OR2A12: variants seen among roughly 807,000 people sequenced by gnomAD.
The protein encoded by OR2A12 is olfactory receptor family 2 subfamily A member 12, also known as olfactory receptor 2A12.
For synonymous variants in OR2A12, 153 were observed against 149.3 expected, an observed-to-expected ratio of 1.02 and a Z score of -0.18; for missense variants, 380 against 372.5, an observed-to-expected ratio of 1.02 and a Z score of -0.17.
Position 144,092,233 on chromosome 7 carries a change from T to C in OR2A12, c.-51-2824T>C, listed in dbSNP as rs549442003. Among the ~76,000 whole-genome samples the C allele has an allele frequency of 2.6e-5, 4 of 152,256 alleles. No individual in the cohort carries two copies. The East Asian group carries it at 5.8e-4, about 22-fold the overall frequency. ...TATGTGTCTGTTCTTGTACCAGTAC[T>C]GTGCTGTTTTGGTTACTGTAGCCCT... is the stretch of plus-strand genomic sequence containing the variant. On this transcript the variant is annotated intron_variant, in intron 1 of 1. Transcript: ENST00000641592.
rs1420570208 is a variant in OR2A12, at chr7:144,095,766, TC to T, written c.661del (p.Leu221TrpfsTer5). 1 of 1,614,022 alleles carries T rather than the reference TC, an allele frequency of 6.2e-7. No individual in the cohort carries two copies. Among genetic ancestry groups the T allele is most frequent in the African/African-American group, 1.3e-5 (1 of 74,900 alleles). ...LCLVLVSYLHILVAILRIQSG... is the reference protein window; with the variant it reads ...LCLVLVSYLHXLVAILRIQSG... ...CTGGTGCTGGTCTCCTACTTGCACATCCTGGTGGCCATCTTGAGGATCCAGT... is the reference window on the plus strand; with the variant it reads ...CTGGTGCTGGTCTCCTACTTGCACATCTGGTGGCCATCTTGAGGATCCAGT... On this transcript the variant is annotated frameshift_variant, in exon 2 of 2. Coordinates refer to ENST00000641592, the MANE Select transcript of OR2A12 (RefSeq NM_001004135.2). LOFTEE classifies it low-confidence loss of function (END_TRUNC).
chr7:144,095,880 A>T lies in OR2A12; in HGVS notation c.773A>T (p.Tyr258Phe), dbSNP rs1230060701. Residue 258 changes from tyrosine (Y) to phenylalanine (F), a missense_variant, in exon 2 of 2, where the codon TAC becomes TTC. Transcript: ENST00000641592. ...GLFFGSAIVM[Y>F]MAPKSSHSQE... ...TTCTTTGGCAGCGCCATTGTCATGT[A>T]CATGGCCCCCAAGTCAAGCCATTCT... The T allele has an allele frequency of 1.2e-6, 2 of 1,614,080 alleles. No individual in the cohort carries two copies. The highest frequency in any genetic ancestry group is 1.7e-6 in the Non-Finnish European group (2 of 1,180,006).
rs773719424 is a variant in OR2A12, at chr7:144,095,733, C to T, written c.626C>T (p.Pro209Leu). The change falls in exon 2 of 2, where the codon CCG becomes CTG. Residue 209 changes from proline (P) to leucine (L), a missense_variant. Pro to Leu is a moderately conservative substitution (Grantham distance 98). Transcript: ENST00000641592. ...GGTTCTGCGTTCATCTTAGTGGGGC[C>T]GCTCTGCCTGGTGCTGGTCTCCTAC... Reference protein sequence around the residue: ...FAGSAFILVGPLCLVLVSYLH... With the variant: ...FAGSAFILVGLLCLVLVSYLH... 29 of 1,613,944 alleles carry T rather than the reference C, an allele frequency of 1.8e-5. No homozygotes were observed. Among genetic ancestry groups the T allele is most frequent in the South Asian group, 8.8e-5 (8 of 91,088 alleles).
rs939628889 is a variant in OR2A12 at position 144,096,421 on chromosome 7, C to T, written c.*381C>T. The T allele has an allele frequency of 1.9e-5, 3 of 159,676 alleles. No homozygotes were observed. The highest frequency in any genetic ancestry group is 7.2e-5 in the African/African-American group (3 of 41,398). The allele number at this position is 159,676 out of a possible 1,614,324, so 9.9% of individuals were successfully genotyped here. The stretch of plus-strand genomic sequence containing the variant: ...GCACTGAGCCGAGATTGTACCACTG[C>T]ACTCCAGCCTGGGCGACAGAGCAAG... On this transcript the variant is annotated 3_prime_UTR_variant, in exon 2 of 2. Coordinates refer to ENST00000641592, the MANE Select transcript of OR2A12 (RefSeq NM_001004135.2).
intron 1 of OR2A12, among the ~76,000 whole-genome samples, chr7:144,087,404 T>A (rs2051194609): frequency 1.3e-5 from 2 of 152,196 alleles, no homozygotes; most frequent in African/African-American, 2.4e-5. Flanking sequence ...AATGGTTGTC[T>A]TCATCTTATG....
rs373022188 is a variant in OR2A12, at chr7:144,095,157, A to G, written c.50A>G (p.Gln17Arg). 1.2e-6 allele frequency: 2 copies of G among 1,613,538 alleles called. No homozygotes were observed. The highest frequency in any genetic ancestry group is 1.1e-5 in the South Asian group (1 of 90,968). ...WITEVILLGFQVDPALELFLF... is the reference protein window; with the variant it reads ...WITEVILLGFRVDPALELFLF... ...ACAGAAGTCATCCTGTTGGGATTCC[A>G]GGTGGACCCAGCTCTGGAGTTGTTC... The change falls in exon 2 of 2, where the codon CAG becomes CGG. Residue 17 changes from glutamine to arginine, a missense_variant. By Grantham distance (43) the Gln-to-Arg change is conservative. Transcript: ENST00000641592.
At chr7:144,090,488 T>C (rs1054103788) in intron 1 of OR2A12, among the ~76,000 whole-genome samples, 2 of 152,246 alleles carry the variant, frequency 1.3e-5, no homozygotes, top group South Asian at 2.1e-4. Context: ...TTTAAACCGA[T>C]GTCAGTCATA....
chr7:144,095,351 G>A lies in OR2A12; in HGVS notation c.244G>A (p.Ala82Thr). Residue 82 changes from alanine to threonine, a missense_variant, in exon 2 of 2, where the codon GCA becomes ACA. Physicochemically the swap from Ala to Thr is moderately conservative, Grantham distance 58 (BLOSUM62 0). Transcript: ENST00000641592. ...CTCGAGTACTGTCCCTAAGATGCTA[G>A]CAAATCTTGTGATGCACAAAAAAGT... Reference protein sequence around the residue: ...YASSTVPKMLANLVMHKKVIS... With the variant: ...YASSTVPKMLTNLVMHKKVIS... 6.2e-7 allele frequency: 1 copy of A among 1,613,520 alleles called. No homozygotes were observed. Among genetic ancestry groups the A allele is most frequent in the Non-Finnish European group, 8.5e-7 (1 of 1,179,502 alleles).
chr7:144,091,265 C>T (rs1452575277), intron 1 of OR2A12, among the ~76,000 whole-genome samples: 1 of 152,182 alleles, frequency 6.6e-6, no homozygotes, highest in Non-Finnish European at 1.5e-5. Context: ...ATGGCGTGTG[C>T]CTGTAATCCC....
intron 1 of OR2A12, among the ~76,000 whole-genome samples, chr7:144,088,264 G>A (rs1231507295): frequency 2.6e-5 from 4 of 151,930 alleles, no homozygotes; most frequent in Admixed American, 6.6e-5. Context: ...CACCCACCTC[G>A]GCCTCCCAAA....
chr7:144,095,137 A>G lies in OR2A12; in HGVS notation c.30A>G (p.Glu10=), dbSNP rs761714124. The G allele has an allele frequency of 6.2e-7, 1 of 1,612,062 alleles. No individual in the cohort carries two copies. Among genetic ancestry groups the G allele is most frequent in the East Asian group, 2.2e-5 (1 of 44,870 alleles). Residue 10 remains glutamate (E), a synonymous_variant, in exon 2 of 2, where the codon GAA becomes GAG. Coordinates refer to ENST00000641592, the MANE Select transcript of OR2A12 (RefSeq NM_001004135.2). MESNQTWIT[E]VILLGFQVDP... Reference sequence around the variant, plus strand: ...AAAGCAATCAGACCTGGATCACAGAAGTCATCCTGTTGGGATTCCAGGTGG... The same window carrying G: ...AAAGCAATCAGACCTGGATCACAGAGGTCATCCTGTTGGGATTCCAGGTGG...
chr7:144,090,939 A>C, intron 1 of OR2A12, among the ~76,000 whole-genome samples: 1 of 152,052 alleles, frequency 6.6e-6, no homozygotes, highest in East Asian at 1.9e-4. Context: ...ACCAGTTTTT[A>C]ATATTTAGGT....
Position 144,096,406 on chromosome 7 carries a change from G to A in OR2A12, c.*366G>A, listed in dbSNP as rs1157142400. On this transcript the variant is annotated 3_prime_UTR_variant, in exon 2 of 2. Transcript: ENST00000641592. Reference sequence around the variant, plus strand: ...CAGGAGGCGGAGGTTGCACTGAGCCGAGATTGTACCACTGCACTCCAGCCT... The same window carrying A: ...CAGGAGGCGGAGGTTGCACTGAGCCAAGATTGTACCACTGCACTCCAGCCT... The A allele has an allele frequency of 3.6e-5, 6 of 167,010 alleles. No individual in the cohort carries two copies. Among genetic ancestry groups the A allele is most frequent in the South Asian group, 1.4e-4 (1 of 7,060 alleles). The allele number at this position is 167,010 out of a possible 1,614,324, so 10.3% of individuals were successfully genotyped here. A position where few individuals can be genotyped will look rare whatever the true frequency, so the allele number is the denominator to read the frequency against.
rs1379104640 is a variant in OR2A12 at position 144,095,260 on chromosome 7, C to G, written c.153C>G (p.Asp51Glu). 1 of 1,614,046 alleles carries G rather than the reference C, an allele frequency of 6.2e-7. No homozygotes were observed. Among genetic ancestry groups the G allele is most frequent in the Non-Finnish European group, 8.5e-7 (1 of 1,179,980 alleles). ...TTATCCTGGGGCTCATCTACTTGGA[C>G]TCTAGACTGCACACACCCATGTATG... Reference protein sequence around the residue: ...NGIILGLIYLDSRLHTPMYVF... With the variant: ...NGIILGLIYLESRLHTPMYVF... Residue 51 changes from aspartate to glutamate, a missense_variant, in exon 2 of 2, where the codon GAC becomes GAG. Coordinates refer to ENST00000641592, the MANE Select transcript of OR2A12 (RefSeq NM_001004135.2).
chr7:144,092,868 A>G (rs984229681), intron 1 of OR2A12, among the ~76,000 whole-genome samples: 10 of 110,954 alleles, frequency 9.0e-5, no homozygotes, highest in Admixed American at 2.1e-4. Flanking sequence ...TGTCAAGAAC[A>G]TGGTGAAGAG....
intron 1 of OR2A12, among the ~76,000 whole-genome samples, chr7:144,087,675 A>C (rs1163587127): frequency 6.6e-6 from 1 of 152,234 alleles, no homozygotes; most frequent in Non-Finnish European, 1.5e-5. Context: ...GTTTTTTAAA[A>C]TAATGTGTTT....
rs1389971110 is a variant in OR2A12, at chr7:144,095,183, C to T, written c.76C>T (p.Leu26Phe). The T allele has an allele frequency of 1.9e-6, 3 of 1,613,998 alleles. No individual in the cohort carries two copies. The highest frequency in any genetic ancestry group is 1.7e-5 in the Admixed American group (1 of 60,010). The change falls in exon 2 of 2, where the codon CTC becomes TTC. Residue 26 changes from leucine (L) to phenylalanine (F), a missense_variant. Leu to Phe is a conservative substitution (Grantham distance 22, BLOSUM62 0). Coordinates refer to ENST00000641592, the MANE Select transcript of OR2A12 (RefSeq NM_001004135.2). ...FQVDPALELF[L>F]FGFFLLFYSL... The stretch of plus-strand genomic sequence containing the variant: ...GGTGGACCCAGCTCTGGAGTTGTTC[C>T]TCTTTGGGTTTTTCTTGCTATTCTA...
chr7:144,092,383 C>A (rs1013278251), intron 1 of OR2A12, among the ~76,000 whole-genome samples: 1 of 151,946 alleles, frequency 6.6e-6, no homozygotes. Context: ...TTCTCTAGTT[C>A]TGTGAAGAAT....
At position 144,098,546 on chromosome 7, in the gene OR2A12, T is replaced by C. The variant is rs1403364286; in HGVS notation, c.*2506T>C. On this transcript the variant is annotated 3_prime_UTR_variant, in exon 2 of 2. Coordinates refer to ENST00000641592, the MANE Select transcript of OR2A12 (RefSeq NM_001004135.2). ...AGGTTGAGTAACTTACCCTGAGTCA[T>C]TGAGTTAGCATAATCAATGGAAAAT... The C allele has an allele frequency of 2.0e-5, 3 of 152,290 alleles. No individual in the cohort carries two copies. Among genetic ancestry groups the C allele is most frequent in the Admixed American group, 2.0e-4 (3 of 15,290 alleles). The allele number at this position is 152,290 out of a possible 1,614,324, so 9.4% of individuals were successfully genotyped here. A position where few individuals can be genotyped will look rare whatever the true frequency, so the allele number is the denominator to read the frequency against.
Sources: gnomAD v4.1 joint callset for allele counts (sites outside exome capture counted in the v4.1 genomes callset) on GRCh38, gnomAD v4.1.1 for gene constraint, MANE v1.5 for transcripts, NCBI Gene and HGNC (gene_info 2026-07-23, HGNC 2026-07-21) for gene names.